The following KSR2 variants were observed in gnomAD, a reference collection of about 807,000 sequenced individuals.
KSR2 encodes the protein kinase suppressor of ras 2.
KSR2 carries 25 observed loss-of-function variants against 107.8 expected under a neutral mutation model. The ratio of observed to expected loss-of-function variants is 0.23; its 90% CI spans 0.17 to 0.32. KSR2 has a LOEUF of 0.32. Among genes scored for constraint, KSR2 ranks in the 10% least tolerant of loss-of-function variants. The pLI, the probability that KSR2 is intolerant of heterozygous loss-of-function variation, is 1.00. For synonymous variants in KSR2, 480 were observed against 507.0 expected, an observed-to-expected ratio of 0.95 and a Z score of 0.71; for missense variants, 887 against 1,268.9, an observed-to-expected ratio of 0.70 and a Z score of 4.57.
chr12:117,946,587 TA>T, intron 1 of KSR2, among the ~76,000 whole-genome samples: 1 of 152,190 alleles, frequency 6.6e-6, no homozygotes, highest in South Asian at 2.1e-4. Context: ...AATTTGTAGT[TA>T]AAAACTTTCC....
intron 8 of KSR2, among the ~76,000 whole-genome samples, chr12:117,556,194 C>T (rs1877685276): frequency 1.0e-5 from 1 of 97,344 alleles, no homozygotes. Context: ...CACCTTTGAA[C>T]AAAAGGCGGC....
At chr12:117,803,658 G>A (rs1253702209) in intron 3 of KSR2, among the ~76,000 whole-genome samples, 4 of 152,174 alleles carry the variant, frequency 2.6e-5, no homozygotes, top group Non-Finnish European at 2.9e-5. Flanking sequence ...AGCCGAGATC[G>A]CACCACTGCA....
intron 3 of KSR2, among the ~76,000 whole-genome samples, chr12:117,790,876 C>T (rs1890227740): frequency 6.6e-6 from 1 of 152,018 alleles, no homozygotes; most frequent in Admixed American, 6.6e-5. Flanking sequence ...GTCCCAAATA[C>T]CCTCACCTCA....
rs957866257 is a variant in KSR2, at chr12:117,690,108, G to T, written c.987-22450C>A. Among the ~76,000 whole-genome samples the T allele has an allele frequency of 2.0e-5, 3 of 152,136 alleles. No homozygotes were observed. The East Asian group carries it at 5.8e-4, about 29-fold the overall frequency. On this transcript the variant is annotated intron_variant, in intron 4 of 19. Coordinates refer to ENST00000339824, the MANE Select transcript of KSR2 (RefSeq NM_173598.6). ...AATAAAACTTTATTTACAAAAACAG[G>T]CTGTGGGCCAAGTTTGGTCCATGGC...
chr12:117,804,214 T>G (rs970908796), intron 3 of KSR2, among the ~76,000 whole-genome samples: 3 of 152,196 alleles, frequency 2.0e-5, no homozygotes, highest in African/African-American at 7.2e-5. Flanking sequence ...CGGCTAATTT[T>G]GTATTTTTAG....
chr12:117,829,515 CAAAG>C (rs1372338422), intron 3 of KSR2, among the ~76,000 whole-genome samples: 1 of 152,158 alleles, frequency 6.6e-6, no homozygotes, highest in East Asian at 1.9e-4. Flanking sequence ...GGGCTTGGCA[CAAAG>C]AAAGGGTTCC....
chr12:117,798,962 G>A (rs918978916), intron 3 of KSR2, among the ~76,000 whole-genome samples: 5 of 152,150 alleles, frequency 3.3e-5, no homozygotes, highest in Admixed American at 1.3e-4. Flanking sequence ...ACAACATGAT[G>A]CTGAGTGAAA....
chr12:117,469,295 C>T (rs1362687086), intron 19 of KSR2, among the ~76,000 whole-genome samples: 1 of 152,142 alleles, frequency 6.6e-6, no homozygotes, highest in African/African-American at 2.4e-5. Flanking sequence ...GGAAGAGTTC[C>T]AGAAAGCTGG....
intron 10 of KSR2, among the ~76,000 whole-genome samples, chr12:117,538,288 A>G (rs543305657): frequency 6.6e-6 from 1 of 152,326 alleles, no homozygotes; most frequent in African/African-American, 2.4e-5. Context: ...CACTAGGTGG[A>G]TATGAGGCTG....
chr12:117,608,736 C>T (rs1881425205), intron 5 of KSR2, among the ~76,000 whole-genome samples: 1 of 152,000 alleles, frequency 6.6e-6, no homozygotes, highest in South Asian at 2.1e-4. Context: ...TTAATTTTTT[C>T]CTTTTTCCTT....
At position 117,842,752 on chromosome 12, in the gene KSR2, T is replaced by A. The variant is rs1403814548; in HGVS notation, c.472+12676A>T. 6.6e-6 allele frequency among the ~76,000 whole-genome samples: 1 copy of A among 151,844 alleles called. No homozygotes were observed. The highest frequency in any genetic ancestry group is 1.5e-5 in the Non-Finnish European group (1 of 67,960). ...CCACAAAAGCCAGATGCTGGCCACA[T>A]GAAGCAGCAGGTGGGCAAGACAGAG... On this transcript the variant is annotated intron_variant, in intron 3 of 19. Transcript: ENST00000339824. The surrounding 1 kb of genome is among the most constrained non-coding windows in gnomAD (Gnocchi z 4.2).
chr12:117,869,927 C>A (rs1186734340), intron 1 of KSR2, among the ~76,000 whole-genome samples: 1 of 152,228 alleles, frequency 6.6e-6, no homozygotes, highest in Non-Finnish European at 1.5e-5. Flanking sequence ...TGTGACAATG[C>A]TAGCTGTGAG....
chr12:117,750,844 T>C (rs1888587153), intron 4 of KSR2, among the ~76,000 whole-genome samples: 1 of 152,234 alleles, frequency 6.6e-6, no homozygotes, highest in South Asian at 2.1e-4. Flanking sequence ...AATTTTGTTC[T>C]TTTTATGGCT....
intron 3 of KSR2, among the ~76,000 whole-genome samples, chr12:117,792,282 C>T (rs147201076): frequency 2.4e-4 from 37 of 151,900 alleles, no homozygotes; most frequent in South Asian, 1.3e-3. Flanking sequence ...CCCGGGAGGT[C>T]GAGGCTGCAG....
chr12:117,848,897 G>A (rs1566048482), intron 3 of KSR2, among the ~76,000 whole-genome samples: 1 of 136,768 alleles, frequency 7.3e-6, no homozygotes. Flanking sequence ...TGATGGTGGT[G>A]GTGGTGATTT....
At chr12:117,676,718 C>A (rs544560670) in intron 4 of KSR2, among the ~76,000 whole-genome samples, 1 of 152,194 alleles carries the variant, frequency 6.6e-6, no homozygotes, top group Non-Finnish European at 1.5e-5. Flanking sequence ...TAAATTGGTA[C>A]AACCGTTTTT....
At chr12:117,937,605 G>A (rs1328012351) in intron 1 of KSR2, among the ~76,000 whole-genome samples, 1 of 151,962 alleles carries the variant, frequency 6.6e-6, no homozygotes, top group Non-Finnish European at 1.5e-5. Flanking sequence ...GAGGCAGGAA[G>A]GAGACGCAAA....
At chr12:117,669,850 A>G (rs1884829738) in intron 4 of KSR2, among the ~76,000 whole-genome samples, 1 of 152,136 alleles carries the variant, frequency 6.6e-6, no homozygotes, top group African/African-American at 2.4e-5. Context: ...CCTGGGTGAC[A>G]TAGTGAGACC....
chr12:117,583,862 G>A (rs1215114780), intron 5 of KSR2, among the ~76,000 whole-genome samples: 2 of 152,216 alleles, frequency 1.3e-5, no homozygotes, highest in East Asian at 3.9e-4. Context: ...CCAGAGGGAT[G>A]GAGCCAGCTC....
Sources: allele counts gnomAD v4.1 joint callset (sites outside exome capture counted in the v4.1 genomes callset), GRCh38; gene constraint gnomAD v4.1.1; non-coding constraint Gnocchi (gnomAD v3.1); transcripts MANE v1.5; gene names NCBI Gene and HGNC (gene_info 2026-07-23, HGNC 2026-07-21).